ZSCAN22: variants seen among roughly 807,000 people sequenced by gnomAD.
ZSCAN22 encodes the protein zinc finger and SCAN domain-containing protein 22.
A neutral mutation model predicts 12.4 loss-of-function variants in ZSCAN22; 7 were observed. The observed-to-expected ratio is 0.57, with a 90% CI of 0.32 to 1.06. The LOEUF (loss-of-function observed/expected upper bound fraction) is 1.06, where lower values mean the gene tolerates loss of function less well. Among genes scored for constraint, ZSCAN22 ranks in the 50% least tolerant of loss-of-function variants. The pLI is 0.04. For missense variants in ZSCAN22, 576 were observed against 631.7 expected (o/e 0.91, Z 0.94); for synonymous variants, 243 against 255.9 (o/e 0.95, Z 0.48).
At position 58,341,973 on chromosome 19, in the gene ZSCAN22, A is replaced by G. The variant is rs2051881538; in HGVS notation, c.*2647A>G. On this transcript the variant is annotated 3_prime_UTR_variant, in exon 3 of 3. Transcript: ENST00000329665. ...TCTCTGACTCACAGCAATCATCAGC[A>G]CCTCTCTTTGCCTCCTACTTGCTCA... 6.6e-6 allele frequency: 1 copy of G among 151,978 alleles called. No individual in the cohort carries two copies. The highest frequency in any genetic ancestry group is 1.5e-5 in the Non-Finnish European group (1 of 68,034). 9.4% of individuals were successfully genotyped at this position (151,978 alleles called of 1,614,324 possible). A position where few individuals can be genotyped will look rare whatever the true frequency, so the allele number is the denominator to read the frequency against.
Position 58,338,268 on chromosome 19 carries a change from G to T in ZSCAN22, c.418G>T (p.Ala140Ser). ...GACTGTTTCAGGATGGGATCCAGGA[G>T]CCGAGCCCACAGAGGCAAGCTGCAA... ...VLDKRGWDPG[A>S]EPTEASCKQS... Residue 140 changes from alanine (A) to serine (S), a missense_variant, in exon 3 of 3, where the codon GCC (alanine) becomes TCC (serine). Physicochemically the swap from Ala to Ser is moderately conservative, Grantham distance 99. Transcript: ENST00000329665. This position sits in a 1 kb window ranked among gnomAD's most constrained non-coding sequence, Gnocchi z 5.4. 1 of 1,599,986 alleles carries T rather than the reference G, an allele frequency of 6.3e-7. No individual in the cohort carries two copies. Among genetic ancestry groups the T allele is most frequent in the African/African-American group, 1.3e-5 (1 of 74,770 alleles).
rs531337392 is a variant in ZSCAN22 at position 58,338,048 on chromosome 19, C to G, written c.404-206C>G. On this transcript the variant is annotated intron_variant, in intron 2 of 2. Coordinates refer to ENST00000329665, the MANE Select transcript of ZSCAN22 (RefSeq NM_181846.3). This position sits in a 1 kb window ranked among gnomAD's most constrained non-coding sequence, Gnocchi z 5.4. Reference sequence around the variant, plus strand: ...TGGTGGGAGGAGGAGAAATCAGAACCCATGGTGTAGTTTTGGATGGTGTGG... The same window carrying G: ...TGGTGGGAGGAGGAGAAATCAGAACGCATGGTGTAGTTTTGGATGGTGTGG... Among the ~76,000 whole-genome samples the G allele has an allele frequency of 6.6e-6, 1 of 152,330 alleles. No individual in the cohort carries two copies. The highest frequency in any genetic ancestry group is 1.9e-4 in the East Asian group (1 of 5,186).
At chr19:58,337,326 T>C (rs1310782955) in intron 2 of ZSCAN22, among the ~76,000 whole-genome samples, 248 of 109,244 alleles carry the variant, frequency 2.3e-3, no homozygotes, top group East Asian at 5.4e-3. Context: ...AACCGCAACC[T>C]CACAGAGATC....
intron 1 of ZSCAN22, among the ~76,000 whole-genome samples, chr19:58,334,287 C>T (rs766029565): frequency 1.6e-4 from 25 of 152,086 alleles, no homozygotes; most frequent in Non-Finnish European, 2.8e-4. Flanking sequence ...GTAGAAAGTC[C>T]CACCTCCTGA....
rs1042850539 is a variant in ZSCAN22 at position 58,335,825 on chromosome 19, A to G, written c.403+620A>G. On this transcript the variant is annotated intron_variant, in intron 2 of 2. Transcript: ENST00000329665. The surrounding 1 kb of genome is among the most constrained non-coding windows in gnomAD (Gnocchi z 4.1). Reference sequence around the variant, plus strand: ...CTATGCCCACCCTGGGCTGGCCTCCAGGATTTGGGTGGGTCAGACCTGCCC... The same window carrying G: ...CTATGCCCACCCTGGGCTGGCCTCCGGGATTTGGGTGGGTCAGACCTGCCC... Among the ~76,000 whole-genome samples, 5 of 152,240 alleles carry G rather than the reference A, an allele frequency of 3.3e-5. No homozygotes were observed. The highest frequency in any genetic ancestry group is 5.9e-5 in the Non-Finnish European group (4 of 68,036).
chr19:58,330,947 A>G (rs1280658123), intron 1 of ZSCAN22, among the ~76,000 whole-genome samples: 1 of 152,256 alleles, frequency 6.6e-6, no homozygotes, highest in East Asian at 1.9e-4. Context: ...GTGCTGAACA[A>G]AAGTATTATT....
Position 58,338,506 on chromosome 19 carries a change from G to A in ZSCAN22, c.656G>A (p.Arg219His), listed in dbSNP as rs1370991233. Reference sequence around the variant, plus strand: ...TACAAGGATGTCCCCACAGACCAGCGTGGCCGTGAATCTGGTGCCTCGAGG... The same window carrying A: ...TACAAGGATGTCCCCACAGACCAGCATGGCCGTGAATCTGGTGCCTCGAGG... ...GPYKDVPTDQ[R>H]GRESGASRNS... is the part of the protein sequence containing the mutation. The change falls in exon 3 of 3, where the codon CGT (arginine) becomes CAT (histidine). Residue 219 changes from arginine to histidine, a missense_variant. By Grantham distance (29) the Arg-to-His change is conservative (BLOSUM62 0). Coordinates refer to ENST00000329665, the MANE Select transcript of ZSCAN22 (RefSeq NM_181846.3). The surrounding 1 kb of genome is among the most constrained non-coding windows in gnomAD (Gnocchi z 5.4). 27 of 1,614,054 alleles carry A rather than the reference G, an allele frequency of 1.7e-5. No homozygotes were observed. The highest frequency in any genetic ancestry group is 2.2e-5 in the South Asian group (2 of 91,080).
chr19:58,327,700 T>C (rs1292515715), intron 1 of ZSCAN22, among the ~76,000 whole-genome samples: 2 of 152,122 alleles, frequency 1.3e-5, no homozygotes, highest in Non-Finnish European at 2.9e-5. Context: ...CGTTTGAGAC[T>C]TCCTACGTGG....
intron 1 of ZSCAN22, among the ~76,000 whole-genome samples, chr19:58,327,399 A>C (rs1414937610): frequency 6.6e-6 from 1 of 152,026 alleles, no homozygotes; most frequent in Non-Finnish European, 1.5e-5. Context: ...GGAATGACAC[A>C]CTGAGTGCCG....
In ZSCAN22 at chr19:58,338,300, T is replaced by G; in HGVS notation, c.450T>G (p.Ser150Arg). 6.2e-7 allele frequency: 1 copy of G among 1,608,798 alleles called. No individual in the cohort carries two copies. The highest frequency in any genetic ancestry group is 8.5e-7 in the Non-Finnish European group (1 of 1,176,026). Residue 150 changes from serine (S) to arginine (R), a missense_variant, in exon 3 of 3, where the codon AGT becomes AGG. By Grantham distance (110) the Ser-to-Arg change is moderately radical. Coordinates refer to ENST00000329665, the MANE Select transcript of ZSCAN22 (RefSeq NM_181846.3). The surrounding 1 kb of genome is among the most constrained non-coding windows in gnomAD (Gnocchi z 5.4). Reference protein sequence around the residue: ...AEPTEASCKQSDLGESEPSNV... With the variant: ...AEPTEASCKQRDLGESEPSNV... Reference sequence around the variant, plus strand: ...CCACAGAGGCAAGCTGCAAGCAGAGTGACCTGGGAGAGTCAGAGCCATCAA... The same window carrying G: ...CCACAGAGGCAAGCTGCAAGCAGAGGGACCTGGGAGAGTCAGAGCCATCAA...
intron 1 of ZSCAN22, among the ~76,000 whole-genome samples, chr19:58,330,731 C>T (rs1013186566): frequency 6.6e-5 from 10 of 152,236 alleles, no homozygotes; most frequent in Non-Finnish European, 1.5e-4. Context: ...CTAGTGTGGC[C>T]TGGTAGCCGG....
rs551590922 is a variant in ZSCAN22 at position 58,342,204 on chromosome 19, T to A, written c.*2878T>A. 1 of 152,314 alleles carries A rather than the reference T, an allele frequency of 6.6e-6. No homozygotes were observed. The highest frequency in any genetic ancestry group is 2.1e-4 in the South Asian group (1 of 4,822). The allele number at this position is 152,314 out of a possible 1,614,324, so 9.4% of individuals were successfully genotyped here. A position where few individuals can be genotyped will look rare whatever the true frequency, so the allele number is the denominator to read the frequency against. The stretch of plus-strand genomic sequence containing the variant: ...AGTCCTCACACAACCATCCCTGTTT[T>A]ATAGAGGAGGAAGTGGCTTAGAGAA... On this transcript the variant is annotated 3_prime_UTR_variant, in exon 3 of 3. Coordinates refer to ENST00000329665, the MANE Select transcript of ZSCAN22 (RefSeq NM_181846.3).
At chr19:58,334,627 G>A in intron 1 of ZSCAN22, 125 bp from the exon 2 acceptor site, 2 of 696,788 alleles carry the variant, frequency 2.9e-6, no homozygotes, top group Non-Finnish European at 4.6e-6. Context: ...TAATTATGAG[G>A]ATTGTCTATG....
At chr19:58,330,828 G>A (rs2051714565) in intron 1 of ZSCAN22, among the ~76,000 whole-genome samples, 1 of 152,172 alleles carries the variant, frequency 6.6e-6, no homozygotes, top group South Asian at 2.1e-4. Context: ...ATCTTATCAT[G>A]TGTTGGTCGC....
At position 58,338,823 on chromosome 19, in the gene ZSCAN22, G is replaced by A. The variant is rs769449537; in HGVS notation, c.973G>A (p.Glu325Lys). ...QVVHTGAKPH[E>K]CKECGKAFSR... is the part of the protein sequence containing the mutation. ...TGTCCACACAGGGGCGAAGCCCCAT[G>A]AGTGTAAGGAATGTGGGAAGGCCTT... The change falls in exon 3 of 3, where the codon GAG (glutamate) becomes AAG (lysine). Residue 325 changes from glutamate to lysine, a missense_variant. Physicochemically the swap from Glu to Lys is moderately conservative, Grantham distance 56. Transcript: ENST00000329665. The surrounding 1 kb of genome is among the most constrained non-coding windows in gnomAD (Gnocchi z 5.4). 1.1e-5 allele frequency: 18 copies of A among 1,613,852 alleles called. No homozygotes were observed. Among genetic ancestry groups the A allele is most frequent in the Non-Finnish European group, 1.4e-5 (16 of 1,179,886 alleles).
chr19:58,331,492 G>A (rs1285609901), intron 1 of ZSCAN22, among the ~76,000 whole-genome samples: 4 of 150,172 alleles, frequency 2.7e-5, no homozygotes, highest in Admixed American at 6.7e-5. Flanking sequence ...TGGGATTACA[G>A]GTGTGAGCCA....
chr19:58,338,744 C>A lies in ZSCAN22; in HGVS notation c.894C>A (p.Cys298Ter), dbSNP rs2051830275. ...ATTCTCGGAAGACCCCATATGCCTG[C>A]AGCGAGTGTGGGAAAGCCTTCAGCC... Reference protein sequence around the residue: ...KTHSRKTPYACSECGKAFSRS... With the variant: ...KTHSRKTPYA Residue 298 changes from cysteine to a stop codon, truncating the protein, a stop_gained, in exon 3 of 3, where the codon TGC becomes TGA. Transcript: ENST00000329665. LOFTEE classifies it low-confidence loss of function (END_TRUNC). This position sits in a 1 kb window ranked among gnomAD's most constrained non-coding sequence, Gnocchi z 5.4. The A allele has an allele frequency of 1.2e-6, 2 of 1,614,248 alleles. No homozygotes were observed. Among genetic ancestry groups the A allele is most frequent in the South Asian group, 2.2e-5 (2 of 91,092 alleles).
chr19:58,331,043 C>T (rs1478412565), intron 1 of ZSCAN22, among the ~76,000 whole-genome samples: 2 of 152,164 alleles, frequency 1.3e-5, no homozygotes, highest in African/African-American at 4.8e-5. Flanking sequence ...TGTGCTGATA[C>T]TCCAACAGGG....
rs1399952243 is a variant in ZSCAN22, at chr19:58,335,976, A to C, written c.403+771A>C. Among the ~76,000 whole-genome samples the C allele has an allele frequency of 3.3e-5, 5 of 152,182 alleles. No individual in the cohort carries two copies. Among genetic ancestry groups the C allele is most frequent in the Non-Finnish European group, 7.4e-5 (5 of 68,026 alleles). On this transcript the variant is annotated intron_variant, in intron 2 of 2. Coordinates refer to ENST00000329665, the MANE Select transcript of ZSCAN22 (RefSeq NM_181846.3). The surrounding 1 kb of genome is among the most constrained non-coding windows in gnomAD (Gnocchi z 4.1). The stretch of plus-strand genomic sequence containing the variant: ...AGAGCAGGGAGTGGTGGCTCGTCTC[A>C]GATGGGCTTGGCCTGGCCTATTGGC...
Sources: allele counts gnomAD v4.1 joint callset (sites outside exome capture counted in the v4.1 genomes callset), GRCh38; gene constraint gnomAD v4.1.1; non-coding constraint Gnocchi (gnomAD v3.1); transcripts MANE v1.5; gene names NCBI Gene and HGNC (gene_info 2026-07-23, HGNC 2026-07-21).